The following SCLY variants were observed in gnomAD, a reference collection of about 807,000 sequenced individuals.
The protein encoded by SCLY is putative selenocysteine lyase.
Under a neutral mutation model 50.1 loss-of-function variants are expected in SCLY, and 38 were observed. That is an observed-to-expected ratio of 0.76 (90% confidence interval 0.59 to 0.99). The LOEUF (loss-of-function observed/expected upper bound fraction) is 0.99. Ranked by LOEUF, SCLY falls within the 50% of genes least tolerant of loss-of-function variation. SCLY has a pLI of 0.00. For synonymous variants in SCLY, 243 were observed against 249.4 expected, an observed-to-expected ratio of 0.97 and a Z score of 0.24; for missense variants, 600 against 620.0, an observed-to-expected ratio of 0.97 and a Z score of 0.34.
chr2:238,090,416 C>T (rs954861384), intron 7 of SCLY, among the ~76,000 whole-genome samples: 7 of 152,118 alleles, frequency 4.6e-5, no homozygotes, highest in East Asian at 1.9e-4. Flanking sequence ...TTTGGGAGGC[C>T]GAGGTGGCTG....
chr2:238,075,951 G>A (rs530567449), intron 4 of SCLY, among the ~76,000 whole-genome samples: 1 of 151,660 alleles, frequency 6.6e-6, no homozygotes, highest in African/African-American at 2.4e-5. Context: ...TGAGCAGTAG[G>A]ATATAAATAA....
chr2:238,069,562 T>G lies in SCLY; in HGVS notation c.484+85T>G, dbSNP rs1002077050. ...AGTGGCCTGCGAGCAGAGCCCGGGA[T>G]CCGCTGCAGAGATGTAGATTCAGTG... On this transcript the variant is annotated intron_variant, in intron 4 of 11. Coordinates refer to ENST00000254663, the MANE Select transcript of SCLY (RefSeq NM_016510.7). This position sits in a 1 kb window ranked among gnomAD's most constrained non-coding sequence, Gnocchi z 5.0. The G allele has an allele frequency of 1.0e-5, 13 of 1,238,656 alleles. No individual in the cohort carries two copies. The highest frequency in any genetic ancestry group is 8.5e-5 in the Admixed American group (3 of 35,488). 76.7% of individuals were successfully genotyped at this position (1,238,656 alleles called of 1,614,324 possible).
rs2065102606 is a variant in SCLY at position 238,069,040 on chromosome 2, C to T, written c.304-257C>T. Reference sequence around the variant, plus strand: ...ATTCTATGCATATAACCACACTGCACTTATACCAATACATTTATATAAATT... The same window carrying T: ...ATTCTATGCATATAACCACACTGCATTTATACCAATACATTTATATAAATT... On this transcript the variant is annotated intron_variant, in intron 3 of 11. Coordinates refer to ENST00000254663, the MANE Select transcript of SCLY (RefSeq NM_016510.7). This position sits in a 1 kb window ranked among gnomAD's most constrained non-coding sequence, Gnocchi z 5.0. Among the ~76,000 whole-genome samples the T allele has an allele frequency of 6.6e-6, 1 of 152,194 alleles. No homozygotes were observed.
intron 9 of SCLY, 85 bp downstream of exon 9, chr2:238,094,029 C>G (rs1260234195): frequency 1.6e-6 from 2 of 1,214,606 alleles, no homozygotes; most frequent in Non-Finnish European, 2.4e-6. Flanking sequence ...GCTCCCAGAC[C>G]CCAGGACCTG....
At chr2:238,076,680 C>G (rs1324531703) in intron 4 of SCLY, among the ~76,000 whole-genome samples, 1 of 150,398 alleles carries the variant, frequency 6.6e-6, no homozygotes, top group Non-Finnish European at 1.5e-5. Flanking sequence ...CCAAATCCCC[C>G]TCGGTGAGAA....
chr2:238,063,709 AG>A (rs1159566519), intron 1 of SCLY, among the ~76,000 whole-genome samples: 1 of 152,202 alleles, frequency 6.6e-6, no homozygotes, highest in Non-Finnish European at 1.5e-5. Flanking sequence ...GGAGCCCCAC[AG>A]GCCATCGCAA....
intron 9 of SCLY, 105 bp downstream of exon 9, chr2:238,094,049 C>A: frequency 9.9e-7 from 1 of 1,005,564 alleles, no homozygotes; most frequent in Non-Finnish European, 1.5e-6. Context: ...GTGGGGATTG[C>A]AGCGTAGCCT....
At position 238,096,686 on chromosome 2, in the gene SCLY, C is replaced by G. The variant is rs1158836171; in HGVS notation, c.1109-115C>G. 4 of 1,154,148 alleles carry G rather than the reference C, an allele frequency of 3.5e-6. No homozygotes were observed. In the African/African-American group the frequency reaches 6.1e-5, roughly 18 times the overall value. 71.5% of individuals were successfully genotyped at this position (1,154,148 alleles called of 1,614,324 possible). ...TGCCAGAATGGCCAGTGCTGGAATTCCACCAGGTGGCACAGAGGGAGGGAA... is the reference window on the plus strand; with the variant it reads ...TGCCAGAATGGCCAGTGCTGGAATTGCACCAGGTGGCACAGAGGGAGGGAA... On this transcript the variant is annotated intron_variant, in intron 10 of 11. Coordinates refer to ENST00000254663, the MANE Select transcript of SCLY (RefSeq NM_016510.7).
chr2:238,068,797 C>T (rs1313256941), intron 3 of SCLY, among the ~76,000 whole-genome samples: 1 of 152,120 alleles, frequency 6.6e-6, no homozygotes, highest in African/African-American at 2.4e-5. Context: ...AACAGTGCTG[C>T]ACTTAATAAA....
At chr2:238,096,938 G>A in intron 11 of SCLY, 62 bp downstream of exon 11, 1 of 1,458,144 alleles carries the variant, frequency 6.9e-7, no homozygotes. Flanking sequence ...GGGTGTGGTG[G>A]GCAGGCGGCA....
At chr2:238,063,515 G>T (rs182758545) in intron 1 of SCLY, among the ~76,000 whole-genome samples, 1 of 152,278 alleles carries the variant, frequency 6.6e-6, no homozygotes, top group Admixed American at 6.5e-5. Flanking sequence ...GAGCCACCGC[G>T]CCCAGCCAGC....
chr2:238,081,598 G>T, intron 4 of SCLY, 111 bp from the exon 5 acceptor site: 1 of 1,431,384 alleles, frequency 7.0e-7, no homozygotes, highest in Non-Finnish European at 9.5e-7. Flanking sequence ...TTCTGAACTT[G>T]GACAACAATT....
chr2:238,061,426 A>G, intron 1 of SCLY: 1 of 592,408 alleles, frequency 1.7e-6, no homozygotes, highest in East Asian at 3.7e-5. Context: ...CCTGCCAGGA[A>G]GAGGGCACAG....
chr2:238,084,019 A>G (rs1419815101), intron 7 of SCLY, among the ~76,000 whole-genome samples: 4 of 152,264 alleles, frequency 2.6e-5, no homozygotes, highest in African/African-American at 9.6e-5. Context: ...AAACTTTGAG[A>G]CAACACTTGC....
rs574104319 is a variant in SCLY, at chr2:238,097,023, G to C, written c.1184+147G>C. ...GGGCCCTAGGAGGGGCAGAGGGAGG[G>C]CTTCCTGGAAGAAGTGACTTCCAAG... On this transcript the variant is annotated intron_variant, in intron 11 of 11. Coordinates refer to ENST00000254663, the MANE Select transcript of SCLY (RefSeq NM_016510.7). 1.4e-4 allele frequency: 108 copies of C among 761,160 alleles called. 1 individual carries two copies. The South Asian group carries it at 1.9e-3, about 14-fold the overall frequency. 47.2% of individuals were successfully genotyped at this position (761,160 alleles called of 1,614,324 possible).
At position 238,098,272 on chromosome 2, in the gene SCLY, G is replaced by C. The variant is rs760071087; in HGVS notation, c.1255G>C (p.Gly419Arg). ...VARNALRLSV[G>R]RSTTRAEVDL... The stretch of plus-strand genomic sequence containing the variant: ...CAGGAACGCGCTCCGGCTCAGCGTG[G>C]GCCGCAGCACCACCAGGGCCGAGGT... The change falls in exon 12 of 12, where the codon GGC becomes CGC. Residue 419 changes from glycine to arginine, a missense_variant. Transcript: ENST00000254663. 6.2e-7 allele frequency: 1 copy of C among 1,610,448 alleles called. No individual in the cohort carries two copies.
chr2:238,096,853 G>T lies in SCLY; in HGVS notation c.1161G>T (p.Ala387=). 2 of 1,612,132 alleles carry T rather than the reference G, an allele frequency of 1.2e-6. No individual in the cohort carries two copies. The highest frequency in any genetic ancestry group is 1.7e-6 in the Non-Finnish European group (2 of 1,179,420). Residue 387 remains alanine, a synonymous_variant, in exon 11 of 12, where the codon GCG becomes GCT. Coordinates refer to ENST00000254663, the MANE Select transcript of SCLY (RefSeq NM_016510.7). ...TGCTGATGGCCAGTGTGGGGGCCGC[G>T]TGCCACTCGGACCACGGGGACCAGT... ...CRVLMASVGA[A]CHSDHGDQPS...
At chr2:238,081,886 C>T (rs752946388) in intron 5 of SCLY, 50 bp downstream of exon 5, 1 of 1,598,772 alleles carries the variant, frequency 6.3e-7, no homozygotes, top group Non-Finnish European at 8.6e-7. Context: ...GGAAGAACAG[C>T]AGCTTAGACT....
At position 238,083,341 on chromosome 2, in the gene SCLY, A is replaced by C; in HGVS notation, c.871A>C (p.Asn291His). The C allele has an allele frequency of 6.2e-7, 1 of 1,610,892 alleles. No homozygotes were observed. The highest frequency in any genetic ancestry group is 8.5e-7 in the Non-Finnish European group (1 of 1,177,024). ...PMLFGGGQER[N>H]FRPGTENTPM... Reference sequence around the variant, plus strand: ...GCTATTTGGAGGTGGACAAGAACGGAATTTCAGGCCAGGGTAAGGCAGAAA... The same window carrying C: ...GCTATTTGGAGGTGGACAAGAACGGCATTTCAGGCCAGGGTAAGGCAGAAA... The change falls in exon 7 of 12, where the codon AAT becomes CAT. Residue 291 changes from asparagine to histidine, a missense_variant. Asn to His is a moderately conservative substitution (Grantham distance 68, BLOSUM62 1). Transcript: ENST00000254663. The surrounding 1 kb of genome is among the most constrained non-coding windows in gnomAD (Gnocchi z 4.3).
Sources: gnomAD v4.1 joint callset for allele counts (sites outside exome capture counted in the v4.1 genomes callset) on GRCh38, gnomAD v4.1.1 for gene constraint, Gnocchi (gnomAD v3.1) non-coding constraint, MANE v1.5 for transcripts, NCBI Gene and HGNC (gene_info 2026-07-23, HGNC 2026-07-21) for gene names.